NALF1: variants seen among roughly 807,000 people sequenced by gnomAD.
NALF1 encodes family with sequence similarity 155 member A.
NALF1 carries 3 observed loss-of-function variants against 48.4 expected under a neutral mutation model. The observed-to-expected ratio is 0.06, with a 90% CI of 0.03 to 0.16. NALF1 has a LOEUF of 0.16. Ranked by LOEUF, NALF1 falls within the 10% of genes least tolerant of loss-of-function variation. The probability of loss-of-function intolerance (pLI) is 1.00; values close to 1 mark genes in which losing one functional copy is unlikely to be tolerated. For synonymous variants in NALF1, 262 were observed against 245.7 expected (o/e 1.07, Z -0.62); for missense variants, 526 against 571.5 (o/e 0.92, Z 0.81).
rs1880755810 is a variant in NALF1, at chr13:107,866,928, AG to A, written c.-333del. On this transcript the variant is annotated 5_prime_UTR_variant, in exon 1 of 3. Transcript: ENST00000375915. This position sits in a 1 kb window ranked among gnomAD's most constrained non-coding sequence, Gnocchi z 4.4. The stretch of plus-strand genomic sequence containing the variant: ...AGAGAGAGAGAGAGAGAGACGGAGG[AG>A]GCTGGTGCTGGTGGCCGGCGGCGAG... 6.6e-6 allele frequency among the ~76,000 whole-genome samples: 1 copy of A among 151,414 alleles called. No homozygotes were observed.
intron 1 of NALF1, among the ~76,000 whole-genome samples, chr13:107,454,615 A>G (rs1288896714): frequency 6.6e-6 from 1 of 152,202 alleles, no homozygotes; most frequent in Non-Finnish European, 1.5e-5. Flanking sequence ...AAGTCTAACC[A>G]TATCACAGTT....
At chr13:107,537,978 C>G (rs1269782725) in intron 1 of NALF1, among the ~76,000 whole-genome samples, 1 of 152,138 alleles carries the variant, frequency 6.6e-6, no homozygotes, top group Non-Finnish European at 1.5e-5. Flanking sequence ...CATCGAGTCA[C>G]TGCACTCCAG....
chr13:107,608,110 C>T (rs2138429811), intron 1 of NALF1, among the ~76,000 whole-genome samples: 1 of 152,272 alleles, frequency 6.6e-6, no homozygotes, highest in Non-Finnish European at 1.5e-5. Context: ...TATGAAACAA[C>T]TTTAATGTCT....
chr13:107,529,444 A>G (rs1480932014), intron 1 of NALF1, among the ~76,000 whole-genome samples: 1 of 152,154 alleles, frequency 6.6e-6, no homozygotes, highest in Non-Finnish European at 1.5e-5. Context: ...TAAGCAAGCA[A>G]AGTACATTAA....
intron 1 of NALF1, among the ~76,000 whole-genome samples, chr13:107,483,665 T>C (rs1885286497): frequency 6.6e-6 from 1 of 152,066 alleles, no homozygotes; most frequent in Non-Finnish European, 1.5e-5. Flanking sequence ...CACTGACTCT[T>C]ATTAGATGTG....
intron 1 of NALF1, among the ~76,000 whole-genome samples, chr13:107,572,420 G>A (rs1878014016): frequency 6.6e-6 from 1 of 152,134 alleles, no homozygotes; most frequent in Non-Finnish European, 1.5e-5. Flanking sequence ...GCACTGGGTG[G>A]GCAGGGGTCA....
intron 1 of NALF1, among the ~76,000 whole-genome samples, chr13:107,680,401 C>T (rs1489012707): frequency 2.6e-5 from 3 of 115,138 alleles, no homozygotes; most frequent in Non-Finnish European, 6.1e-5. Context: ...TACGTTCATA[C>T]GTGTATGAGT....
intron 1 of NALF1, among the ~76,000 whole-genome samples, chr13:107,415,287 T>C (rs1051512740): frequency 2.6e-5 from 4 of 152,160 alleles, no homozygotes; most frequent in African/African-American, 9.7e-5. Context: ...AAAGAATATA[T>C]ACACTTTCAG....
At position 107,170,065 on chromosome 13, in the gene NALF1, T is replaced by C. The variant is rs892321273; in HGVS notation, c.*432A>G. On this transcript the variant is annotated 3_prime_UTR_variant, in exon 3 of 3. Coordinates refer to ENST00000375915, the MANE Select transcript of NALF1 (RefSeq NM_001080396.3). ...TAGCAATCATTCCTCTAATAGAAGC[T>C]GACAGGACATAAAGACAGAACTATC... The C allele has an allele frequency of 2.6e-5, 4 of 155,390 alleles. No homozygotes were observed. The highest frequency in any genetic ancestry group is 5.7e-5 in the Non-Finnish European group (4 of 70,044). 9.6% of individuals were successfully genotyped at this position (155,390 alleles called of 1,614,324 possible). A position where few individuals can be genotyped will look rare whatever the true frequency, so the allele number is the denominator to read the frequency against.
At chr13:107,318,500 A>T (rs1882192783) in intron 1 of NALF1, among the ~76,000 whole-genome samples, 1 of 152,118 alleles carries the variant, frequency 6.6e-6, no homozygotes, top group African/African-American at 2.4e-5. Flanking sequence ...TTTACAAAGT[A>T]TGAGTTTCAA....
At chr13:107,398,964 C>A (rs551395682) in intron 1 of NALF1, among the ~76,000 whole-genome samples, 2 of 152,308 alleles carry the variant, frequency 1.3e-5, no homozygotes, top group African/African-American at 4.8e-5. Flanking sequence ...GAGCAGAAAG[C>A]TATGCTGGTG....
rs1594136855 is a variant in NALF1, at chr13:107,573,647, A to G, written c.915+292035T>C. ...TTGGTTGTGTCCCCACCCAAAACTC[A>G]TCTTGAATTGTAGCTCCCACGATTC... is the stretch of plus-strand genomic sequence containing the variant. On this transcript the variant is annotated intron_variant, in intron 1 of 2. Coordinates refer to ENST00000375915, the MANE Select transcript of NALF1 (RefSeq NM_001080396.3). Among the ~76,000 whole-genome samples, 3 of 152,168 alleles carry G rather than the reference A, an allele frequency of 2.0e-5. No individual in the cohort carries two copies. The East Asian group carries it at 5.8e-4, about 29-fold the overall frequency.
intron 1 of NALF1, among the ~76,000 whole-genome samples, chr13:107,251,404 A>C (rs1254436524): frequency 2.6e-5 from 4 of 152,160 alleles, no homozygotes; most frequent in Non-Finnish European, 5.9e-5. Flanking sequence ...TTTTTGTCTC[A>C]GTTTTAAAAG....
At chr13:107,571,657 T>C (rs1877990621) in intron 1 of NALF1, among the ~76,000 whole-genome samples, 1 of 152,178 alleles carries the variant, frequency 6.6e-6, no homozygotes, top group Non-Finnish European at 1.5e-5. Flanking sequence ...TTCATGCTAG[T>C]CAGAAGTTAC....
chr13:107,371,871 A>C (rs1449339886), intron 1 of NALF1, among the ~76,000 whole-genome samples: 1 of 152,270 alleles, frequency 6.6e-6, no homozygotes, highest in African/African-American at 2.4e-5. Context: ...ACAGTTTTAG[A>C]AATGTCTAAA....
chr13:107,618,860 T>C (rs1006903362), intron 1 of NALF1, among the ~76,000 whole-genome samples: 2 of 152,194 alleles, frequency 1.3e-5, no homozygotes, highest in African/African-American at 2.4e-5. Flanking sequence ...AGTTTGGAGA[T>C]GGGCTAAGAT....
intron 1 of NALF1, among the ~76,000 whole-genome samples, chr13:107,377,555 T>C (rs1883359871): frequency 6.6e-6 from 1 of 152,192 alleles, no homozygotes; most frequent in Non-Finnish European, 1.5e-5. Context: ...GAGGATCACT[T>C]GAGCCCAAGA....
chr13:107,365,220 C>T (rs746861372), intron 1 of NALF1, among the ~76,000 whole-genome samples: 1 of 151,688 alleles, frequency 6.6e-6, no homozygotes, highest in Non-Finnish European at 1.5e-5. Flanking sequence ...GCTCAGGCGA[C>T]GTTTGAAAAG....
chr13:107,762,568 T>G (rs1180558714), intron 1 of NALF1, among the ~76,000 whole-genome samples: 1 of 152,010 alleles, frequency 6.6e-6, no homozygotes. Context: ...TGTATGGAGG[T>G]AAGGCGGAAG....
Sources: gnomAD v4.1 joint callset for allele counts (sites outside exome capture counted in the v4.1 genomes callset) on GRCh38, gnomAD v4.1.1 for gene constraint, Gnocchi (gnomAD v3.1) non-coding constraint, MANE v1.5 for transcripts, NCBI Gene and HGNC (gene_info 2026-07-23, HGNC 2026-07-21) for gene names.